GSS: variants seen among roughly 807,000 people sequenced by gnomAD.
GSS encodes the protein glutathione synthetase.
In GSS, 34 loss-of-function variants were observed where a neutral mutation model predicts 60.4. That is an observed-to-expected ratio of 0.56 (90% CI 0.43 to 0.75). The LOEUF (loss-of-function observed/expected upper bound fraction) is 0.75. Among genes scored for constraint, GSS ranks in the 30% least tolerant of loss-of-function variants. The pLI is 0.00. For missense variants in GSS, 499 were observed against 595.1 expected (o/e 0.84, Z 1.68); for synonymous variants, 224 against 239.0 (o/e 0.94, Z 0.58).
intron 11 of GSS, among the ~76,000 whole-genome samples, chr20:34,930,251 C>T (rs367558459): frequency 4.2e-5 from 6 of 144,114 alleles, no homozygotes; most frequent in Non-Finnish European, 7.5e-5. Context: ...GGTGACAGAG[C>T]GAGAATCCGT....
At chr20:34,949,601 G>A (rs2081550979) in intron 2 of GSS, 2 of 152,018 alleles carry the variant, frequency 1.3e-5, no homozygotes, top group Non-Finnish European at 2.9e-5. Context: ...AAAAAGCATG[G>A]ATGTTCAGAG....
Position 34,943,047 on chromosome 20 carries a change from A to G in GSS, c.276-41T>C, listed in dbSNP as rs779859786. The stretch of plus-strand genomic sequence containing the variant: ...GAGAACATTTTGCAGGCTTAATTGG[A>G]CCTAAAATTTCAAGGAGTCCCATCC... On this transcript the variant is annotated intron_variant, in intron 3 of 12. Transcript: ENST00000651619. The G allele has an allele frequency of 2.3e-5, 32 of 1,404,020 alleles. No individual in the cohort carries two copies. The South Asian group carries it at 3.8e-4, about 17-fold the overall frequency. The allele number at this position is 1,404,020 out of a possible 1,614,324, so 87.0% of individuals were successfully genotyped here. A position where few individuals can be genotyped will look rare whatever the true frequency, so the allele number is the denominator to read the frequency against.
At chr20:34,951,539 C>T in intron 2 of GSS, 185 bp downstream of exon 2, 1 of 656,234 alleles carries the variant, frequency 1.5e-6, no homozygotes, top group Non-Finnish European at 2.6e-6. Context: ...CTTCAAACCC[C>T]ATATTTAAAT....
intron 9 of GSS, chr20:34,933,891 C>A (rs1006323114): frequency 2.0e-5 from 3 of 152,136 alleles, no homozygotes; most frequent in African/African-American, 7.2e-5. Context: ...AAAATGTCTA[C>A]CTCTTGGCCA....
chr20:34,936,874 A>T, intron 7 of GSS, 34 bp from the exon 8 acceptor site: 2 of 1,608,578 alleles, frequency 1.2e-6, no homozygotes, highest in Non-Finnish European at 1.7e-6. Context: ...GAGGGAATGG[A>T]TGCTATGTTC....
In GSS at chr20:34,929,463, A is replaced by G. The variant is rs201406090; in HGVS notation, c.1239T>C (p.Pro413=). 9 of 1,614,082 alleles carry G rather than the reference A, an allele frequency of 5.6e-6. No homozygotes were observed. The highest frequency in any genetic ancestry group is 2.2e-5 in the East Asian group (1 of 44,880). The change falls in exon 12 of 13, where the codon CCT becomes CCC. Residue 413 remains proline, a synonymous_variant. Coordinates refer to ENST00000651619, the MANE Select transcript of GSS (RefSeq NM_000178.4). ...PEPFENCLLR[P]GSPARVVQCI... Reference sequence around the variant, plus strand: ...ACTGGACCACTCGGGCAGGGCTGCCAGGCCGTAGCAGGCAATTCTCAAAAG... The same window carrying G: ...ACTGGACCACTCGGGCAGGGCTGCCGGGCCGTAGCAGGCAATTCTCAAAAG...
At chr20:34,948,923 G>A (rs2081544055) in intron 2 of GSS, among the ~76,000 whole-genome samples, 2 of 152,190 alleles carry the variant, frequency 1.3e-5, no homozygotes, top group South Asian at 2.1e-4. Flanking sequence ...TCTCTAAAGG[G>A]GGCAGCCAGA....
chr20:34,945,151 G>C (rs2147131539), intron 3 of GSS, among the ~76,000 whole-genome samples: 1 of 151,648 alleles, frequency 6.6e-6, no homozygotes, highest in Non-Finnish European at 1.5e-5. Flanking sequence ...CTCCCAAGTA[G>C]CTGGGATTAT....
intron 6 of GSS, among the ~76,000 whole-genome samples, chr20:34,937,598 T>A (rs1009962161): frequency 6.6e-6 from 1 of 152,184 alleles, no homozygotes; most frequent in Non-Finnish European, 1.5e-5. Context: ...CCAAGATTCC[T>A]ATAATGTACA....
At position 34,931,422 on chromosome 20, in the gene GSS, C is replaced by G. The variant is rs1221215765; in HGVS notation, c.1030-5G>C. On this transcript the variant is annotated splice_region_variant and splice_polypyrimidine_tract_variant and intron_variant, in intron 10 of 12. Coordinates refer to ENST00000651619, the MANE Select transcript of GSS (RefSeq NM_000178.4). Reference sequence around the variant, plus strand: ...GGCCTGGTCCCCTTCTTCACCCTGGCAGGAGGCAGAAAGCAGTTATCAAAA... The same window carrying G: ...GGCCTGGTCCCCTTCTTCACCCTGGGAGGAGGCAGAAAGCAGTTATCAAAA... The G allele has an allele frequency of 6.2e-7, 1 of 1,613,374 alleles. No individual in the cohort carries two copies. The highest frequency in any genetic ancestry group is 1.1e-5 in the South Asian group (1 of 91,076).
chr20:34,953,142 G>A (rs1262456512), intron 1 of GSS, among the ~76,000 whole-genome samples: 43 of 152,196 alleles, frequency 2.8e-4, no homozygotes, highest in Admixed American at 2.5e-3. Context: ...GCAGGCCTCA[G>A]GAGTTTAAGA....
chr20:34,932,850 T>G (rs1229686546), intron 9 of GSS, among the ~76,000 whole-genome samples: 1 of 151,326 alleles, frequency 6.6e-6, no homozygotes, highest in Non-Finnish European at 1.5e-5. Context: ...TTTGTTTACT[T>G]TTTTTTTCTT....
intron 11 of GSS, among the ~76,000 whole-genome samples, chr20:34,930,917 C>T (rs943735153): frequency 6.6e-6 from 1 of 152,110 alleles, no homozygotes; most frequent in Non-Finnish European, 1.5e-5. Flanking sequence ...GTATGGAACA[C>T]TCTTCCTCCT....
chr20:34,943,391 A>G (rs934502275), intron 3 of GSS, among the ~76,000 whole-genome samples: 2 of 152,184 alleles, frequency 1.3e-5, no homozygotes, highest in African/African-American at 4.8e-5. Context: ...ATTCTACTTG[A>G]ATAGCTCTGA....
chr20:34,951,915 C>T, intron 1 of GSS, 55 bp from the exon 2 acceptor site: 1 of 1,601,528 alleles, frequency 6.2e-7, no homozygotes, highest in Non-Finnish European at 8.5e-7. Context: ...GCCCAGCAAC[C>T]ACCGAAACTG....
Position 34,928,516 on chromosome 20 carries a change from T to A in GSS, c.*312A>T. ...TCCCCCTCCTCCTACCACTCAGTCC[T>A]ATCCCAAGTCAGGCACTGGAACCTG... On this transcript the variant is annotated 3_prime_UTR_variant, in exon 13 of 13. Transcript: ENST00000651619. 1 of 482,704 alleles carries A rather than the reference T, an allele frequency of 2.1e-6. No homozygotes were observed. Among genetic ancestry groups the A allele is most frequent in the Admixed American group, 3.3e-5 (1 of 30,458 alleles). The allele number at this position is 482,704 out of a possible 1,614,324, so 29.9% of individuals were successfully genotyped here.
chr20:34,934,788 T>C (rs2081428473), intron 9 of GSS, among the ~76,000 whole-genome samples: 1 of 152,154 alleles, frequency 6.6e-6, no homozygotes, highest in African/African-American at 2.4e-5. Context: ...CCCCCGCTCA[T>C]AGAAACAGAC....
At chr20:34,952,531 T>G (rs1469881207) in intron 1 of GSS, 1 of 153,414 alleles carries the variant, frequency 6.5e-6, no homozygotes, top group African/African-American at 2.4e-5. Flanking sequence ...GCCTCCTGGG[T>G]TCAAGTAATT....
rs553050309 is a variant in GSS, at chr20:34,941,427, CCT to C, written c.608+284_608+285del. On this transcript the variant is annotated intron_variant, in intron 6 of 12. Transcript: ENST00000651619. ...CAGAGCTATTAGCGCAGGCAAACAG[CCT>C]TGCGTGCCTCTCTAACCCTAGGTAG... is the stretch of plus-strand genomic sequence containing the variant. 4.0e-3 allele frequency among the ~76,000 whole-genome samples: 615 copies of C among 152,134 alleles called. 2 individuals are homozygous for C. The highest frequency in any genetic ancestry group is 0.014 in the African/African-American group (583 of 41,492).
Sources: allele counts gnomAD v4.1 joint callset (sites outside exome capture counted in the v4.1 genomes callset), GRCh38; gene constraint gnomAD v4.1.1; transcripts MANE v1.5; gene names NCBI Gene and HGNC (gene_info 2026-07-23, HGNC 2026-07-21).